The following PKD1L1 variants were observed in gnomAD, a reference collection of about 807,000 sequenced individuals.
PKD1L1 encodes the protein polycystin-1-like protein 1.
In PKD1L1, 236 loss-of-function variants were observed where a neutral mutation model predicts 323.4. The ratio of observed to expected loss-of-function variants is 0.73; its 90% confidence interval spans 0.66 to 0.81. The LOEUF (loss-of-function observed/expected upper bound fraction) is 0.81, where lower values mean the gene tolerates loss of function less well. Among genes scored for constraint, PKD1L1 ranks in the 40% least tolerant of loss-of-function variants. The probability of loss-of-function intolerance (pLI) is 0.00; values close to 1 mark genes in which losing one functional copy is unlikely to be tolerated. For missense variants in PKD1L1, 3,320 were observed against 3,508.0 expected, an observed-to-expected ratio of 0.95 and a Z score of 1.35; for synonymous variants, 1,344 against 1,335.0, an observed-to-expected ratio of 1.01 and a Z score of -0.15.
At chr7:47,790,482 C>T (rs1786916732) in intron 56 of PKD1L1, among the ~76,000 whole-genome samples, 1 of 151,630 alleles carries the variant, frequency 6.6e-6, no homozygotes, top group Non-Finnish European at 1.5e-5. Context: ...AGGCGCCCGC[C>T]ACCATACTCG....
At chr7:47,947,337 T>C (rs919159180) in intron 1 of PKD1L1, among the ~76,000 whole-genome samples, 4 of 152,224 alleles carry the variant, frequency 2.6e-5, no homozygotes, top group African/African-American at 9.6e-5. Flanking sequence ...CTCTGGAGTT[T>C]ACAGATGTGA....
chr7:47,796,605 T>A (rs1784540046), intron 54 of PKD1L1, among the ~76,000 whole-genome samples: 1 of 152,112 alleles, frequency 6.6e-6, no homozygotes, highest in African/African-American at 2.4e-5. Context: ...CTCCAGGTGG[T>A]TTATTTCTTC....
chr7:47,939,824 C>G (rs1787946491), intron 3 of PKD1L1, among the ~76,000 whole-genome samples: 1 of 151,412 alleles, frequency 6.6e-6, no homozygotes, highest in African/African-American at 2.4e-5. Flanking sequence ...CCACTCCCCG[C>G]TTGAGGGGCA....
chr7:47,842,955 G>C lies in PKD1L1; in HGVS notation c.5445+7C>G, dbSNP rs748057168. On this transcript the variant is annotated splice_region_variant and intron_variant, in intron 34 of 56. Coordinates refer to ENST00000289672, the MANE Select transcript of PKD1L1 (RefSeq NM_138295.5). ...CATCAAAGAGTACCCCCAGATGCTC[G>C]AGCTACCTTTGAGGTCAACCTGGCC... 6.2e-7 allele frequency: 1 copy of C among 1,609,742 alleles called. No homozygotes were observed. Among genetic ancestry groups the C allele is most frequent in the South Asian group, 1.1e-5 (1 of 90,272 alleles).
rs753875987 is a variant in PKD1L1, at chr7:47,885,956, C to T, written c.2935G>A (p.Ala979Thr). ...LNLLPTEPGT[A>T]DPDATTTPFS... ...GGTGTGGTCGTTGCATCAGGATCTG[C>T]AGTGCCAGGCTCAGTGGGCAGCAGG... Residue 979 changes from alanine to threonine, a missense_variant, in exon 18 of 57, where the codon GCA becomes ACA. Transcript: ENST00000289672. The T allele has an allele frequency of 1.2e-6, 2 of 1,614,064 alleles. No individual in the cohort carries two copies. The highest frequency in any genetic ancestry group is 1.3e-5 in the African/African-American group (1 of 74,922).
intron 47 of PKD1L1, 130 bp from the exon 48 acceptor site, chr7:47,814,144 C>T: frequency 1.6e-6 from 1 of 640,716 alleles, no homozygotes; most frequent in African/African-American, 1.8e-5. Context: ...GTTTTATTTT[C>T]CTTCCAATAC....
Position 47,796,009 on chromosome 7 carries a change from C to T in PKD1L1, c.8335G>A (p.Ala2779Thr). The T allele has an allele frequency of 6.2e-7, 1 of 1,613,410 alleles. No homozygotes were observed. The highest frequency in any genetic ancestry group is 8.5e-7 in the Non-Finnish European group (1 of 1,179,804). ...LRLETPKLEE[A>T]EMVENHNYYL... is the part of the protein sequence containing the mutation. ...CTTACGTGATTCTCAACCATCTCAG[C>T]CTCTTCCAACTTTGGTGTTTCCAGT... Residue 2779 changes from alanine to threonine, a missense_variant, in exon 55 of 57, where the codon GCT (alanine) becomes ACT (threonine). Ala to Thr is a moderately conservative substitution (Grantham distance 58). Coordinates refer to ENST00000289672, the MANE Select transcript of PKD1L1 (RefSeq NM_138295.5).
intron 55 of PKD1L1, chr7:47,795,338 G>A: frequency 2.2e-6 from 1 of 455,346 alleles, no homozygotes; most frequent in South Asian, 1.6e-5. Context: ...CATTTATAAT[G>A]GGTTTCCACT....
the PKD1L1 span, among the ~76,000 whole-genome samples, chr7:47,960,826 A>G: frequency 6.6e-6 from 1 of 151,984 alleles, no homozygotes; most frequent in Non-Finnish European, 1.5e-5. Flanking sequence ...TCACAATGAA[A>G]TATCACCTCA....
chr7:47,926,574 A>C (rs1490279281), intron 7 of PKD1L1, among the ~76,000 whole-genome samples: 1 of 152,218 alleles, frequency 6.6e-6, no homozygotes, highest in Non-Finnish European at 1.5e-5. Context: ...AATTTTACTT[A>C]GTTTGATTCT....
At chr7:47,838,747 G>A (rs974933211) in intron 36 of PKD1L1, among the ~76,000 whole-genome samples, 2 of 151,814 alleles carry the variant, frequency 1.3e-5, no homozygotes, top group African/African-American at 2.4e-5. Flanking sequence ...GCATGGTGGC[G>A]TGTGCCTGTA....
chr7:47,865,477 T>C (rs1016652453), intron 25 of PKD1L1, among the ~76,000 whole-genome samples: 2 of 152,202 alleles, frequency 1.3e-5, no homozygotes, highest in African/African-American at 4.8e-5. Flanking sequence ...ATCTCTCCTG[T>C]GTGCCCCCTA....
chr7:47,828,612 G>A (rs1785282296), intron 44 of PKD1L1, among the ~76,000 whole-genome samples: 1 of 152,100 alleles, frequency 6.6e-6, no homozygotes, highest in Non-Finnish European at 1.5e-5. Flanking sequence ...GTGTTATAAG[G>A]AACAAATGAT....
chr7:47,850,838 G>A (rs964651089), intron 31 of PKD1L1, among the ~76,000 whole-genome samples: 1 of 152,022 alleles, frequency 6.6e-6, no homozygotes, highest in African/African-American at 2.4e-5. Context: ...AAGAAATATT[G>A]AACTTTATCT....
chr7:47,817,036 G>C (rs1008541999), intron 46 of PKD1L1, among the ~76,000 whole-genome samples: 8 of 152,186 alleles, frequency 5.3e-5, no homozygotes, highest in African/African-American at 1.9e-4. Context: ...AGGAGTTTGA[G>C]ACCAGCCTAG....
chr7:47,880,167 T>TAGAGAGAG (rs56742103), intron 21 of PKD1L1, among the ~76,000 whole-genome samples: 2 of 133,130 alleles, frequency 1.5e-5, no homozygotes, highest in South Asian at 2.4e-4. Context: ...AGGGTTTAAA[T>TAGAGAGAG]AGAGAGAGAG....
intron 3 of PKD1L1, 111 bp downstream of exon 3, chr7:47,940,082 G>T: frequency 7.0e-7 from 1 of 1,422,350 alleles, no homozygotes; most frequent in South Asian, 1.3e-5. Context: ...ACACATGATA[G>T]GAAAACAATC....
Position 47,898,029 on chromosome 7 carries a change from T to C in PKD1L1, c.2230A>G (p.Ser744Gly), listed in dbSNP as rs1353518555. The change falls in exon 14 of 57, where the codon AGC (serine) becomes GGC (glycine). Residue 744 changes from serine (S) to glycine (G), a missense_variant. By Grantham distance (56) the Ser-to-Gly change is moderately conservative (BLOSUM62 0). Transcript: ENST00000289672. ...DTHRQTLILP[S>G]HTLEYGNYTA... ...TAGTTCCCATACTCCAAGGTGTGGC[T>C]CGGGAGGATGAGGGTCTGTCTGTGA... The C allele has an allele frequency of 6.8e-6, 11 of 1,612,994 alleles. No homozygotes were observed. The highest frequency in any genetic ancestry group is 9.3e-6 in the Non-Finnish European group (11 of 1,179,980).
chr7:47,882,313 TCTTC>T (rs1348829498), intron 19 of PKD1L1, among the ~76,000 whole-genome samples: 2 of 135,502 alleles, frequency 1.5e-5, no homozygotes, highest in African/African-American at 5.3e-5. Flanking sequence ...TCCCTTCCTA[TCTTC>T]CTTCCTTCCT....
Sources: allele counts gnomAD v4.1 joint callset (sites outside exome capture counted in the v4.1 genomes callset), GRCh38; gene constraint gnomAD v4.1.1; transcripts MANE v1.5; gene names NCBI Gene and HGNC (gene_info 2026-07-23, HGNC 2026-07-21).